The following ZFPM1 variants were observed in gnomAD, a reference collection of about 807,000 sequenced individuals.
ZFPM1 encodes the protein zinc finger protein, FOG family member 1, also known as zinc finger protein ZFPM1.
ZFPM1 carries 28 observed loss-of-function variants against 46.3 expected under a neutral mutation model. The observed-to-expected ratio is 0.60, with a 90% CI of 0.45 to 0.83. The LOEUF is 0.83. Ranked by LOEUF, ZFPM1 falls within the 40% of genes least tolerant of loss-of-function variation. The pLI, the probability that ZFPM1 is intolerant of heterozygous loss-of-function variation, is 0.00. For missense variants in ZFPM1, 1,878 were observed against 1,432.4 expected (o/e 1.31, Z -5.02); for synonymous variants, 957 against 675.9 (o/e 1.42, Z -6.45).
At chr16:88,488,509 T>A (rs970231392) in intron 2 of ZFPM1, among the ~76,000 whole-genome samples, 3 of 152,234 alleles carry the variant, frequency 2.0e-5, no homozygotes, top group Non-Finnish European at 4.4e-5. Flanking sequence ...TACTGTGTGA[T>A]TGACTTATTT....
At position 88,532,360 on chromosome 16, in the gene ZFPM1, G is replaced by A. The variant is rs144451384; in HGVS notation, c.946+125G>A. 1.4e-5 allele frequency: 15 copies of A among 1,050,806 alleles called. No individual in the cohort carries two copies. In the Admixed American group the frequency reaches 2.0e-4, roughly 14 times the overall value. 65.1% of individuals were successfully genotyped at this position (1,050,806 alleles called of 1,614,324 possible). A position where few individuals can be genotyped will look rare whatever the true frequency, so the allele number is the denominator to read the frequency against. ...GCCACCATTCACCTGCGCGGTCTCC[G>A]GCACACCCAGGGCCCCCGCAGGGGC... On this transcript the variant is annotated intron_variant, in intron 7 of 9. Transcript: ENST00000319555.
At position 88,533,905 on chromosome 16, in the gene ZFPM1, GGGCGCGGCCACGCCCGAGGAC is replaced by G. The variant is rs1913028199; in HGVS notation, c.1955_1975del (p.Ala652_Ala658del). On this transcript the variant is annotated inframe_deletion, in exon 10 of 10. Coordinates refer to ENST00000319555, the MANE Select transcript of ZFPM1 (RefSeq NM_153813.3). ...CCGGAGCGCGCGAGGAGGGGGCTGG[GGGCGCGGCCACGCCCGAGGAC>G]GGCGCGGGCGGCCGGGGCAGCGAGG... 6 of 1,109,392 alleles carry G rather than the reference GGGCGCGGCCACGCCCGAGGAC, an allele frequency of 5.4e-6. No individual in the cohort carries two copies. The highest frequency in any genetic ancestry group is 6.6e-6 in the Non-Finnish European group (6 of 902,504). The allele number at this position is 1,109,392 out of a possible 1,614,324, so 68.7% of individuals were successfully genotyped here.
Position 88,533,445 on chromosome 16 carries a change from C to A in ZFPM1, c.1487C>A (p.Ala496Asp). 6.9e-7 allele frequency: 1 copy of A among 1,446,672 alleles called. No homozygotes were observed. Among genetic ancestry groups the A allele is most frequent in the South Asian group, 1.4e-5 (1 of 73,282 alleles). 89.6% of individuals were successfully genotyped at this position (1,446,672 alleles called of 1,614,324 possible). A position where few individuals can be genotyped will look rare whatever the true frequency, so the allele number is the denominator to read the frequency against. ...CGGACGCCGTCGCCGCGCAGCCCCGCCCCGGCCAGGGTCAAGGCCGAGCTG... is the reference window on the plus strand; with the variant it reads ...CGGACGCCGTCGCCGCGCAGCCCCGACCCGGCCAGGGTCAAGGCCGAGCTG... Reference protein sequence around the residue: ...PSRTPSPRSPAPARVKAELSS... With the variant: ...PSRTPSPRSPDPARVKAELSS... The change falls in exon 10 of 10, where the codon GCC becomes GAC. Residue 496 changes from alanine (A) to aspartate (D), a missense_variant. By Grantham distance (126) the Ala-to-Asp change is moderately radical (BLOSUM62 -2). Coordinates refer to ENST00000319555, the MANE Select transcript of ZFPM1 (RefSeq NM_153813.3).
chr16:88,497,238 G>A lies in ZFPM1; in HGVS notation c.268+8085G>A, dbSNP rs1295559384. Among the ~76,000 whole-genome samples the A allele has an allele frequency of 6.6e-6, 1 of 151,958 alleles. No homozygotes were observed. Among genetic ancestry groups the A allele is most frequent in the Admixed American group, 6.5e-5 (1 of 15,276 alleles). Reference sequence around the variant, plus strand: ...AGTGTCAGGCTGGGTGTGAGAGATGGGAGGGGCGGCAGGTGGACGGCCCCA... The same window carrying A: ...AGTGTCAGGCTGGGTGTGAGAGATGAGAGGGGCGGCAGGTGGACGGCCCCA... On this transcript the variant is annotated intron_variant, in intron 3 of 9. Coordinates refer to ENST00000319555, the MANE Select transcript of ZFPM1 (RefSeq NM_153813.3). This position sits in a 1 kb window ranked among gnomAD's most constrained non-coding sequence, Gnocchi z 5.4.
Position 88,534,182 on chromosome 16 carries a change from A to C in ZFPM1, c.2224A>C (p.Arg742=). 1 of 977,936 alleles carries C rather than the reference A, an allele frequency of 1.0e-6. No homozygotes were observed. Among genetic ancestry groups the C allele is most frequent in the Non-Finnish European group, 1.2e-6 (1 of 832,552 alleles). The allele number at this position is 977,936 out of a possible 1,614,324, so 60.6% of individuals were successfully genotyped here. The part of the protein sequence containing the change: ...PSPAAPVRTR[R]RRKLYELHAA... ...TCCCGCCGCGCCTGTGCGCACGCGC[A>C]GACGCCGCAAGCTCTACGAGCTGCA... is the stretch of plus-strand genomic sequence containing the variant. Residue 742 remains arginine, a synonymous_variant, in exon 10 of 10, where the codon AGA becomes CGA. Coordinates refer to ENST00000319555, the MANE Select transcript of ZFPM1 (RefSeq NM_153813.3).
At chr16:88,521,449 C>T (rs1043688207) in intron 4 of ZFPM1, among the ~76,000 whole-genome samples, 18 of 151,918 alleles carry the variant, frequency 1.2e-4, no homozygotes, top group African/African-American at 4.1e-4. Context: ...GTGAGAAAGC[C>T]TCAGGCCATC....
intron 1 of ZFPM1, among the ~76,000 whole-genome samples, chr16:88,475,643 G>A (rs572868331): frequency 1.4e-4 from 22 of 152,298 alleles, no homozygotes; most frequent in Non-Finnish European, 2.4e-4. Context: ...GGCAGGGCTC[G>A]GGAAAAGGGT....
intron 3 of ZFPM1, among the ~76,000 whole-genome samples, chr16:88,510,298 C>T (rs1424107302): frequency 6.6e-6 from 1 of 152,222 alleles, no homozygotes; most frequent in Non-Finnish European, 1.5e-5. Context: ...GCCCTGGACC[C>T]TGGCCAGACC....
intron 6 of ZFPM1, chr16:88,531,094 T>C (rs1912750535): frequency 6.6e-6 from 1 of 152,096 alleles, no homozygotes; most frequent in African/African-American, 2.4e-5. Flanking sequence ...AGAAACCAGA[T>C]ATCACATCAG....
chr16:88,516,230 A>AGCTGAGCTTGCT (rs1354741778), intron 4 of ZFPM1: 2 of 398,588 alleles, frequency 5.0e-6, no homozygotes, highest in East Asian at 7.1e-5. Context: ...CAAGCTCCTT[A>AGCTGAGCTTGCT]ATGGTAGGGC....
At chr16:88,452,111 A>G (rs188445800), upstream of ZFPM1, among the ~76,000 whole-genome samples, 192 of 152,246 alleles carry the variant, frequency 1.3e-3, no homozygotes, top group African/African-American at 4.4e-3. Flanking sequence ...GGGCCCACTG[A>G]CGCCCGTTTC....
At chr16:88,493,617 G>A (rs1333412218) in intron 3 of ZFPM1, among the ~76,000 whole-genome samples, 1 of 149,852 alleles carries the variant, frequency 6.7e-6, no homozygotes, top group Admixed American at 6.6e-5. Context: ...CTGTCCCGGG[G>A]TACAGAGAGC....
At chr16:88,516,472 G>A (rs1285336204) in intron 4 of ZFPM1, 5 of 398,248 alleles carry the variant, frequency 1.3e-5, no homozygotes, top group African/African-American at 4.1e-5. Context: ...TGGGGAGCCC[G>A]GGGAGGAAGG....
rs564442206 is a variant in ZFPM1, at chr16:88,533,765, C to A, written c.1807C>A (p.Arg603Ser). The change falls in exon 10 of 10, where the codon CGC becomes AGC. Residue 603 changes from arginine to serine, a missense_variant. By Grantham distance (110) the Arg-to-Ser change is moderately radical. Coordinates refer to ENST00000319555, the MANE Select transcript of ZFPM1 (RefSeq NM_153813.3). ...GCACAAGCGCCTCTACTGTTCAGGC[C>A]GCCGTGCGCCCGAGGACGCGCCTGC... Reference protein sequence around the residue: ...YVHKRLYCSGRRAPEDAPAAR... With the variant: ...YVHKRLYCSGSRAPEDAPAAR... 5.6e-6 allele frequency: 8 copies of A among 1,424,528 alleles called. No individual in the cohort carries two copies. Among genetic ancestry groups the A allele is most frequent in the Admixed American group, 2.5e-5 (1 of 39,656 alleles). 88.2% of individuals were successfully genotyped at this position (1,424,528 alleles called of 1,614,324 possible).
Position 88,471,679 on chromosome 16 carries a change from C to A in ZFPM1, c.41-14260C>A, listed in dbSNP as rs1329971504. On this transcript the variant is annotated intron_variant, in intron 1 of 9. Transcript: ENST00000319555. This position sits in a 1 kb window ranked among gnomAD's most constrained non-coding sequence, Gnocchi z 4.1. Reference sequence around the variant, plus strand: ...CCGTGGCCGCGGTGGCTCCCACACACAGTGGAGGGGTCAGGGCTCCCGGCT... The same window carrying A: ...CCGTGGCCGCGGTGGCTCCCACACAAAGTGGAGGGGTCAGGGCTCCCGGCT... Among the ~76,000 whole-genome samples, 1 of 152,204 alleles carries A rather than the reference C, an allele frequency of 6.6e-6. No homozygotes were observed. The highest frequency in any genetic ancestry group is 2.4e-5 in the African/African-American group (1 of 41,438).
intron 3 of ZFPM1, 22 bp from the exon 4 acceptor site, chr16:88,514,365 T>A: frequency 6.4e-7 from 1 of 1,560,478 alleles, no homozygotes; most frequent in Non-Finnish European, 8.7e-7. Flanking sequence ...GCACGCCTCA[T>A]GCCTGCGATG....
At chr16:88,510,031 G>A (rs565801845) in intron 3 of ZFPM1, among the ~76,000 whole-genome samples, 2 of 152,254 alleles carry the variant, frequency 1.3e-5, no homozygotes, top group South Asian at 4.1e-4. Context: ...CCAGGCCTTA[G>A]GATGCCCACC....
In ZFPM1 at chr16:88,480,319, G is replaced by C. The variant is rs936359235; in HGVS notation, c.41-5620G>C. On this transcript the variant is annotated intron_variant, in intron 1 of 9. Coordinates refer to ENST00000319555, the MANE Select transcript of ZFPM1 (RefSeq NM_153813.3). The surrounding 1 kb of genome is among the most constrained non-coding windows in gnomAD (Gnocchi z 4.9). ...GTCACTGCAGGATCTCTGGCACCTC[G>C]TGAGGGTGGGGCACGCCAAGGGCTC... Among the ~76,000 whole-genome samples the C allele has an allele frequency of 6.6e-6, 1 of 152,114 alleles. No homozygotes were observed. Among genetic ancestry groups the C allele is most frequent in the East Asian group, 1.9e-4 (1 of 5,164 alleles).
At chr16:88,516,082 AC>A (rs1911278017) in intron 4 of ZFPM1, 1 of 398,336 alleles carries the variant, frequency 2.5e-6, no homozygotes, top group African/African-American at 2.1e-5. Flanking sequence ...CCCGCACCCT[AC>A]GAGGAGGGTC....
Sources: allele counts gnomAD v4.1 joint callset (sites outside exome capture counted in the v4.1 genomes callset), GRCh38; gene constraint gnomAD v4.1.1; non-coding constraint Gnocchi (gnomAD v3.1); transcripts MANE v1.5; gene names NCBI Gene and HGNC (gene_info 2026-07-23, HGNC 2026-07-21).